MAP3K4: variants seen among roughly 807,000 people sequenced by gnomAD.
MAP3K4 encodes mitogen-activated protein kinase kinase kinase 4, also known as MAP three kinase 1.
A neutral mutation model predicts 185.6 loss-of-function variants in MAP3K4; 67 were observed. The observed-to-expected ratio is 0.36, with a 90% CI of 0.30 to 0.44. The LOEUF is 0.44. Among genes scored for constraint, MAP3K4 ranks in the 20% least tolerant of loss-of-function variants. MAP3K4 has a pLI of 1.00. For missense variants in MAP3K4, 1,551 were observed against 1,995.1 expected (o/e 0.78, Z 4.24); for synonymous variants, 702 against 710.4 (o/e 0.99, Z 0.19).
At chr6:161,003,416 T>C (rs1781423735) in intron 1 of MAP3K4, among the ~76,000 whole-genome samples, 1 of 152,216 alleles carries the variant, frequency 6.6e-6, no homozygotes, top group African/African-American at 2.4e-5. Context: ...CCTGTGTAAT[T>C]CTTTTTCCAC....
Position 161,023,630 on chromosome 6 carries a change from ACT to A in MAP3K4, c.153-10624_153-10623del, listed in dbSNP as rs1349147399. Among the ~76,000 whole-genome samples the A allele has an allele frequency of 3.3e-5, 5 of 152,240 alleles. No individual in the cohort carries two copies. The East Asian group carries it at 7.7e-4, about 24-fold the overall frequency. ...TAAATATTTCCAAGCCCTGTTTCAG[ACT>A]CTCTGGTCAGAATTTCTTGTGGAAG... On this transcript the variant is annotated intron_variant, in intron 1 of 26. Transcript: ENST00000392142.
Position 161,093,505 on chromosome 6 carries a change from C to T in MAP3K4, c.3349-268C>T, listed in dbSNP as rs562945421. 4.6e-5 allele frequency among the ~76,000 whole-genome samples: 7 copies of T among 152,182 alleles called. No individual in the cohort carries two copies. In the South Asian group the frequency reaches 8.3e-4, roughly 18 times the overall value. ...TATTTTATTCTCCCAGTAGTAGAGA[C>T]GATTACATGAAAAGTTCTTTGCTTG... On this transcript the variant is annotated intron_variant, in intron 14 of 26. Coordinates refer to ENST00000392142, the MANE Select transcript of MAP3K4 (RefSeq NM_005922.4). The surrounding 1 kb of genome is among the most constrained non-coding windows in gnomAD (Gnocchi z 5.2).
In MAP3K4 at chr6:161,088,515, C is replaced by A. The variant is rs1785855272; in HGVS notation, c.2823+561C>A. On this transcript the variant is annotated intron_variant, in intron 10 of 26. Coordinates refer to ENST00000392142, the MANE Select transcript of MAP3K4 (RefSeq NM_005922.4). The surrounding 1 kb of genome is among the most constrained non-coding windows in gnomAD (Gnocchi z 4.5). ...TGAGTATACACTGGCCTGCTGTATC[C>A]CTCACCCCAACAACTCTGCTTTTAT... Among the ~76,000 whole-genome samples the A allele has an allele frequency of 1.3e-5, 2 of 152,176 alleles. No homozygotes were observed. The highest frequency in any genetic ancestry group is 2.1e-4 in the South Asian group (1 of 4,826).
At position 161,048,904 on chromosome 6, in the gene MAP3K4, G is replaced by T. The variant is rs772593909; in HGVS notation, c.632G>T (p.Arg211Leu). Residue 211 changes from arginine (R) to leucine (L), a missense_variant, in exon 3 of 27, where the codon CGC becomes CTC. This residue lies in a region of MAP3K4 where 69 missense variants were observed against 124.8 expected (regional missense o/e 0.55). Transcript: ENST00000392142. The surrounding 1 kb of genome is among the most constrained non-coding windows in gnomAD (Gnocchi z 4.7). ...CCCATGCCTATAGCCAGACCTGCAC[G>T]CCAGACTTCTAGGACTGACTGTCCA... Reference protein sequence around the residue: ...SVPMPIARPARQTSRTDCPAD... With the variant: ...SVPMPIARPALQTSRTDCPAD... 1 of 1,613,986 alleles carries T rather than the reference G, an allele frequency of 6.2e-7. No individual in the cohort carries two copies. Among genetic ancestry groups the T allele is most frequent in the Admixed American group, 1.7e-5 (1 of 59,972 alleles).
intron 1 of MAP3K4, among the ~76,000 whole-genome samples, chr6:161,001,009 CATAT>C (rs1781272955): frequency 2.4e-5 from 1 of 40,984 alleles, no homozygotes; most frequent in Non-Finnish European, 4.4e-5. Context: ...ATAATATACA[CATAT>C]GTATATAATA....
In MAP3K4 at chr6:161,112,182, CTT is replaced by C. The variant is rs201114425; in HGVS notation, c.4519+228_4519+229del. Reference sequence around the variant, plus strand: ...TAGGTTACAGGAGAGAGGAAAGCCTCTTTTTCTCACCAGAACAACTCTTTTGT... The same window carrying C: ...TAGGTTACAGGAGAGAGGAAAGCCTCTTTCTCACCAGAACAACTCTTTTGT... On this transcript the variant is annotated intron_variant, in intron 24 of 26. Coordinates refer to ENST00000392142, the MANE Select transcript of MAP3K4 (RefSeq NM_005922.4). This position sits in a 1 kb window ranked among gnomAD's most constrained non-coding sequence, Gnocchi z 5.1. Among the ~76,000 whole-genome samples the C allele has an allele frequency of 0.024, 3,591 of 147,360 alleles. 118 individuals carry two copies. The highest frequency in any genetic ancestry group is 0.08 in the African/African-American group (3,257 of 40,914).
chr6:161,060,184 TTTA>T (rs1784422802), intron 3 of MAP3K4, among the ~76,000 whole-genome samples: 1 of 152,214 alleles, frequency 6.6e-6, no homozygotes, highest in South Asian at 2.1e-4. Flanking sequence ...TATTAGCTTC[TTTA>T]TTATTCATTT....
chr6:161,010,996 G>T (rs1337648385), intron 1 of MAP3K4, among the ~76,000 whole-genome samples: 1 of 152,182 alleles, frequency 6.6e-6, no homozygotes, highest in East Asian at 1.9e-4. Context: ...TTTTGCTTTA[G>T]ACACTTCATT....
In MAP3K4 at chr6:160,996,514, A is replaced by G. The variant is rs954124713; in HGVS notation, c.152+4431A>G. On this transcript the variant is annotated intron_variant, in intron 1 of 26. Coordinates refer to ENST00000392142, the MANE Select transcript of MAP3K4 (RefSeq NM_005922.4). The surrounding 1 kb of genome is among the most constrained non-coding windows in gnomAD (Gnocchi z 4.5). ...TAATAATTCCTCATTCCTCATGACT[A>G]TGATTTTACTCATAGCATTCTATTG... is the stretch of plus-strand genomic sequence containing the variant. Among the ~76,000 whole-genome samples the G allele has an allele frequency of 6.6e-5, 10 of 152,204 alleles. No homozygotes were observed. Among genetic ancestry groups the G allele is most frequent in the African/African-American group, 1.4e-4 (6 of 41,444 alleles).
chr6:161,008,538 T>TA lies in MAP3K4; in HGVS notation c.152+16456dup, dbSNP rs1232461347. Among the ~76,000 whole-genome samples the TA allele has an allele frequency of 6.6e-6, 1 of 152,228 alleles. No individual in the cohort carries two copies. The highest frequency in any genetic ancestry group is 1.5e-5 in the Non-Finnish European group (1 of 68,038). The stretch of plus-strand genomic sequence containing the variant: ...AAACAGGAGCTGGCAGTTGACCAAT[T>TA]ATGTAGGACCTTGTAGTTTCCCCTC... On this transcript the variant is annotated intron_variant, in intron 1 of 26. Coordinates refer to ENST00000392142, the MANE Select transcript of MAP3K4 (RefSeq NM_005922.4). The surrounding 1 kb of genome is among the most constrained non-coding windows in gnomAD (Gnocchi z 4.1).
rs1216469701 is a variant in MAP3K4, at chr6:161,022,868, A to G, written c.153-11391A>G. On this transcript the variant is annotated intron_variant, in intron 1 of 26. Transcript: ENST00000392142. This position sits in a 1 kb window ranked among gnomAD's most constrained non-coding sequence, Gnocchi z 4.2. The stretch of plus-strand genomic sequence containing the variant: ...GAAATGAGACTGTATGATATCGAGC[A>G]TAGTACTTACCAAGCATGGTAAGTA... Among the ~76,000 whole-genome samples the G allele has an allele frequency of 6.6e-6, 1 of 152,220 alleles. No individual in the cohort carries two copies. The highest frequency in any genetic ancestry group is 2.4e-5 in the African/African-American group (1 of 41,452).
rs1205826086 is a variant in MAP3K4, at chr6:161,048,896, A to G, written c.624A>G (p.Arg208=). ...TATCTGTGCCCATGCCTATAGCCAG[A>G]CCTGCACGCCAGACTTCTAGGACTG... ...LPVSVPMPIA[R]PARQTSRTDC... Residue 208 remains arginine, a synonymous_variant, in exon 3 of 27, where the codon AGA becomes AGG. Transcript: ENST00000392142. The surrounding 1 kb of genome is among the most constrained non-coding windows in gnomAD (Gnocchi z 4.7). The G allele has an allele frequency of 6.2e-7, 1 of 1,614,166 alleles. No individual in the cohort carries two copies. The highest frequency in any genetic ancestry group is 8.5e-7 in the Non-Finnish European group (1 of 1,180,036).
Position 161,117,237 on chromosome 6 carries a change from A to G in MAP3K4, c.*367A>G, listed in dbSNP as rs945819236. The stretch of plus-strand genomic sequence containing the variant: ...TCAGGCGTCCCATACCTTGTTTTTA[A>G]TCTCCTGTTTGTTGAGTGCACTGAC... On this transcript the variant is annotated 3_prime_UTR_variant, in exon 27 of 27. Coordinates refer to ENST00000392142, the MANE Select transcript of MAP3K4 (RefSeq NM_005922.4). 10 of 204,032 alleles carry G rather than the reference A, an allele frequency of 4.9e-5. No homozygotes were observed. Among genetic ancestry groups the G allele is most frequent in the African/African-American group, 6.9e-5 (3 of 43,456 alleles). The allele number at this position is 204,032 out of a possible 1,614,324, so 12.6% of individuals were successfully genotyped here. A position where few individuals can be genotyped will look rare whatever the true frequency, so the allele number is the denominator to read the frequency against.
At chr6:161,047,053 A>G (rs1562502900) in intron 2 of MAP3K4, among the ~76,000 whole-genome samples, 1 of 146,318 alleles carries the variant, frequency 6.8e-6, no homozygotes, top group Non-Finnish European at 1.5e-5. Flanking sequence ...TTATAATTGG[A>G]ATTTTTATTT....
chr6:161,104,415 CAAAAAAA>C (rs869113836), intron 19 of MAP3K4, among the ~76,000 whole-genome samples: 2 of 58,334 alleles, frequency 3.4e-5, no homozygotes, highest in Non-Finnish European at 7.6e-5. Context: ...ACTCCGTTTC[CAAAAAAA>C]AAAAAAAAAA....
intron 2 of MAP3K4, among the ~76,000 whole-genome samples, chr6:161,035,141 C>T (rs1338870887): frequency 1.3e-5 from 2 of 152,116 alleles, no homozygotes; most frequent in East Asian, 1.9e-4. Context: ...TTGTACCCTA[C>T]GTGATGGCCT....
chr6:161,094,885 T>C (rs1412171289), intron 15 of MAP3K4, among the ~76,000 whole-genome samples: 1 of 152,242 alleles, frequency 6.6e-6, no homozygotes, highest in Admixed American at 6.5e-5. Context: ...TAAGAACACA[T>C]GATCGATAAT....
chr6:161,000,512 C>T (rs926219862), intron 1 of MAP3K4, among the ~76,000 whole-genome samples: 3 of 152,148 alleles, frequency 2.0e-5, no homozygotes, highest in Non-Finnish European at 4.4e-5. Context: ...CCTTAAACTA[C>T]AAGAATTGTA....
rs534391377 is a variant in MAP3K4, at chr6:161,100,039, G to A, written c.3674+1612G>A. ...AGGACATTTTTTACTCAGGATTCCC[G>A]TTTACTTTATGACCGTCTGTGTGTG... On this transcript the variant is annotated intron_variant, in intron 17 of 26. Coordinates refer to ENST00000392142, the MANE Select transcript of MAP3K4 (RefSeq NM_005922.4). The surrounding 1 kb of genome is among the most constrained non-coding windows in gnomAD (Gnocchi z 5.8). Among the ~76,000 whole-genome samples, 7 of 152,274 alleles carry A rather than the reference G, an allele frequency of 4.6e-5. No homozygotes were observed. Among genetic ancestry groups the A allele is most frequent in the Admixed American group, 1.3e-4 (2 of 15,284 alleles).
Sources: allele counts gnomAD v4.1 joint callset (sites outside exome capture counted in the v4.1 genomes callset), GRCh38; gene constraint gnomAD v4.1.1; regional missense constraint gnomAD v4.1.1; non-coding constraint Gnocchi (gnomAD v3.1); transcripts MANE v1.5; gene names NCBI Gene and HGNC (gene_info 2026-07-23, HGNC 2026-07-21).